Variants in LRIG2 observed in about 807,000 individuals in gnomAD.
The protein encoded by LRIG2 is leucine rich repeats and immunoglobulin like domains 2.
Under a neutral mutation model 107.8 loss-of-function variants are expected in LRIG2, and 93 were observed. The ratio of observed to expected loss-of-function variants is 0.86; its 90% CI spans 0.73 to 1.03. The LOEUF (loss-of-function observed/expected upper bound fraction) is 1.03. Among genes scored for constraint, LRIG2 ranks in the 50% least tolerant of loss-of-function variants. The pLI, the probability that LRIG2 is intolerant of heterozygous loss-of-function variation, is 0.00. For missense variants in LRIG2, 1,226 were observed against 1,296.0 expected, an observed-to-expected ratio of 0.95 and a Z score of 0.83; for synonymous variants, 471 against 470.6, an observed-to-expected ratio of 1.00 and a Z score of -0.01.
At chr1:113,102,598 A>G (rs1264592122) in intron 11 of LRIG2, among the ~76,000 whole-genome samples, 2 of 151,896 alleles carry the variant, frequency 1.3e-5, no homozygotes, top group African/African-American at 2.4e-5. Context: ...TTTTACCCCA[A>G]ACTGCTTTGT....
chr1:113,073,727 T>A, intron 1 of LRIG2, 82 bp downstream of exon 1: 5 of 1,315,882 alleles, frequency 3.8e-6, no homozygotes, highest in Non-Finnish European at 5.3e-6. Flanking sequence ...GAGACAGGCC[T>A]GGTCGGAGGG....
Position 113,112,577 on chromosome 1 carries a change from A to C in LRIG2, c.1897A>C (p.Ile633Leu). 6.2e-7 allele frequency: 1 copy of C among 1,614,176 alleles called. No individual in the cohort carries two copies. Among genetic ancestry groups the C allele is most frequent in the Non-Finnish European group, 8.5e-7 (1 of 1,180,032 alleles). Residue 633 changes from isoleucine to leucine, a missense_variant, in exon 14 of 18, where the codon ATT becomes CTT. Physicochemically the swap from Ile to Leu is conservative, Grantham distance 5 (BLOSUM62 2). Transcript: ENST00000361127. ...TGCAGAGGGACACCCTGCACCTCAG[A>C]TTTCCTGGCAGAAAGATGGTGGTAC... Reference protein sequence around the residue: ...CAAEGHPAPQISWQKDGGTDF... With the variant: ...CAAEGHPAPQLSWQKDGGTDF...
chr1:113,090,099 T>C (rs1161763472), intron 1 of LRIG2, among the ~76,000 whole-genome samples: 1 of 152,132 alleles, frequency 6.6e-6, no homozygotes, highest in Non-Finnish European at 1.5e-5. Flanking sequence ...TCTTCAGATG[T>C]ATTTACAGTT....
chr1:113,114,784 T>C lies in LRIG2; in HGVS notation c.2438T>C (p.Val813Ala). ...ACAGTTGGCATTGTCATCATTGTTG[T>C]GGTCTGCTGTGTTGTTGGCACTTCT... Reference protein sequence around the residue: ...WTTVGIVIIVVVCCVVGTSLI... With the variant: ...WTTVGIVIIVAVCCVVGTSLI... Residue 813 changes from valine to alanine, a missense_variant, in exon 15 of 18, where the codon GTG becomes GCG. Physicochemically the swap from Val to Ala is moderately conservative, Grantham distance 64. Coordinates refer to ENST00000361127, the MANE Select transcript of LRIG2 (RefSeq NM_014813.3). The C allele has an allele frequency of 6.2e-7, 1 of 1,614,202 alleles. No individual in the cohort carries two copies. The highest frequency in any genetic ancestry group is 8.5e-7 in the Non-Finnish European group (1 of 1,180,038).
At chr1:113,119,211 A>T in intron 16 of LRIG2, 22 bp from the exon 17 acceptor site, 2 of 1,590,862 alleles carry the variant, frequency 1.3e-6, no homozygotes, top group Non-Finnish European at 1.7e-6. Context: ...AAAGATATTT[A>T]GATTCTTTTT....
At chr1:113,115,307 C>CA (rs1654957034) in intron 15 of LRIG2, among the ~76,000 whole-genome samples, 1 of 152,096 alleles carries the variant, frequency 6.6e-6, no homozygotes, top group South Asian at 2.1e-4. Flanking sequence ...GTTGACTTCC[C>CA]AGGCTCAGGT....
At chr1:113,104,772 A>G (rs1256000129) in intron 11 of LRIG2, among the ~76,000 whole-genome samples, 1 of 152,092 alleles carries the variant, frequency 6.6e-6, no homozygotes, top group Non-Finnish European at 1.5e-5. Context: ...CTGGGCCCAT[A>G]TCCTAACTCT....
At chr1:113,107,256 T>TA (rs1428251511) in intron 11 of LRIG2, among the ~76,000 whole-genome samples, 1 of 152,162 alleles carries the variant, frequency 6.6e-6, no homozygotes, top group Non-Finnish European at 1.5e-5. Context: ...TATTAACTAA[T>TA]ACAGAGTCCA....
chr1:113,083,956 A>G (rs1653407816), intron 1 of LRIG2, among the ~76,000 whole-genome samples: 1 of 149,772 alleles, frequency 6.7e-6, no homozygotes, highest in Admixed American at 6.7e-5. Flanking sequence ...TACATATGTA[A>G]CAAACCTGCA....
chr1:113,129,940 G>C lies in LRIG2; in HGVS notation c.*5839G>C. On this transcript the variant is annotated 3_prime_UTR_variant, in exon 18 of 18. Coordinates refer to ENST00000361127, the MANE Select transcript of LRIG2 (RefSeq NM_014813.3). ...GGGTTTCACCCTGTCAGCCAGGCTGGAGTGCAATGGTGTGAACGTGGCTCA... is the reference window on the plus strand; with the variant it reads ...GGGTTTCACCCTGTCAGCCAGGCTGCAGTGCAATGGTGTGAACGTGGCTCA... The C allele has an allele frequency of 6.6e-6, 1 of 152,158 alleles. No individual in the cohort carries two copies. The highest frequency in any genetic ancestry group is 1.5e-5 in the Non-Finnish European group (1 of 68,052). The allele number at this position is 152,158 out of a possible 1,614,324, so 9.4% of individuals were successfully genotyped here. A position where few individuals can be genotyped will look rare whatever the true frequency, so the allele number is the denominator to read the frequency against.
At position 113,073,224 on chromosome 1, in the gene LRIG2, T is replaced by A. The variant is rs780244941; in HGVS notation, c.-183T>A. 2 of 603,034 alleles carry A rather than the reference T, an allele frequency of 3.3e-6. No homozygotes were observed. The highest frequency in any genetic ancestry group is 3.0e-6 in the Non-Finnish European group (1 of 337,762). The allele number at this position is 603,034 out of a possible 1,614,324, so 37.4% of individuals were successfully genotyped here. On this transcript the variant is annotated 5_prime_UTR_variant, in exon 1 of 18. Coordinates refer to ENST00000361127, the MANE Select transcript of LRIG2 (RefSeq NM_014813.3). Reference sequence around the variant, plus strand: ...GACGAGAGGTGTCCGTCAGGCCGTGTGTCCCAGGCCGTCGACCCCGCTGTC... The same window carrying A: ...GACGAGAGGTGTCCGTCAGGCCGTGAGTCCCAGGCCGTCGACCCCGCTGTC...
chr1:113,101,415 G>A (rs547648222), intron 11 of LRIG2, among the ~76,000 whole-genome samples: 2 of 152,200 alleles, frequency 1.3e-5, no homozygotes, highest in Non-Finnish European at 2.9e-5. Flanking sequence ...TCAGGGGTAA[G>A]AACCACTAGA....
intron 8 of LRIG2, among the ~76,000 whole-genome samples, chr1:113,098,076 A>G (rs1031791718): frequency 3.3e-5 from 5 of 152,222 alleles, no homozygotes; most frequent in African/African-American, 1.2e-4. Context: ...TTCTTTTATC[A>G]TAACATGATG....
intron 1 of LRIG2, among the ~76,000 whole-genome samples, chr1:113,074,527 T>G (rs1455029329): frequency 6.6e-6 from 1 of 152,172 alleles, no homozygotes; most frequent in Non-Finnish European, 1.5e-5. Flanking sequence ...TTATGGGGCT[T>G]CTTAACCACT....
chr1:113,104,929 C>T (rs962117629), intron 11 of LRIG2, among the ~76,000 whole-genome samples: 5 of 152,154 alleles, frequency 3.3e-5, no homozygotes, highest in Admixed American at 1.3e-4. Context: ...GGGCAGATCA[C>T]GAGGTCATGA....
At chr1:113,113,804 G>A (rs79128494) in intron 14 of LRIG2, among the ~76,000 whole-genome samples, 7,087 of 151,754 alleles carry the variant, frequency 0.047, 572 homozygotes, top group African/African-American at 0.16. Context: ...CTCATGATCC[G>A]CCTGCCTCAG....
chr1:113,100,027 C>T (rs576811437), intron 9 of LRIG2, among the ~76,000 whole-genome samples, 184 bp from the exon 10 acceptor site: 1 of 152,236 alleles, frequency 6.6e-6, no homozygotes, highest in African/African-American at 2.4e-5. Context: ...TAAAAATGCA[C>T]GTTCTCATCA....
chr1:113,121,957 T>G (rs1034560722), intron 17 of LRIG2, among the ~76,000 whole-genome samples: 10 of 152,066 alleles, frequency 6.6e-5, no homozygotes, highest in Admixed American at 3.9e-4. Context: ...ATGAAACTCT[T>G]CAGGATGAAA....
intron 1 of LRIG2, among the ~76,000 whole-genome samples, chr1:113,084,032 TAATA>T (rs1440740853): frequency 1.1e-4 from 16 of 143,510 alleles, no homozygotes; most frequent in Non-Finnish European, 2.0e-4. Flanking sequence ...ATAATAATAA[TAATA>T]ATAATATTGG....
Sources: gnomAD v4.1 joint callset for allele counts (sites outside exome capture counted in the v4.1 genomes callset) on GRCh38, gnomAD v4.1.1 for gene constraint, MANE v1.5 for transcripts, NCBI Gene and HGNC (gene_info 2026-07-23, HGNC 2026-07-21) for gene names.